The following RBBP8 variants were observed in gnomAD, a reference collection of about 807,000 sequenced individuals.
RBBP8 encodes the protein RB binding protein 8, endonuclease.
Under a neutral mutation model 108.3 loss-of-function variants are expected in RBBP8, and 88 were observed. The observed-to-expected ratio is 0.81, with a 90% confidence interval of 0.68 to 0.97. The LOEUF (loss-of-function observed/expected upper bound fraction) is 0.97, where lower values mean the gene tolerates loss of function less well. RBBP8 is among the 50% of genes least tolerant of loss of function. RBBP8 has a pLI of 0.00. For missense variants in RBBP8, 1,023 were observed against 1,049.0 expected (o/e 0.98, Z 0.34); for synonymous variants, 332 against 348.2 (o/e 0.95, Z 0.52).
chr18:22,990,975 C>G lies in RBBP8; in HGVS notation c.846C>G (p.Leu282=). The G allele has an allele frequency of 1.9e-6, 3 of 1,613,786 alleles. No homozygotes were observed. The highest frequency in any genetic ancestry group is 2.5e-6 in the Non-Finnish European group (3 of 1,179,794). Residue 282 remains leucine, a synonymous_variant, in exon 10 of 19, where the codon CTC becomes CTG. Coordinates refer to ENST00000327155, the MANE Select transcript of RBBP8 (RefSeq NM_002894.3). ...QGPMSPLGDE[L]YHCLEGNHKK... ...CCATGAGCCCCCTTGGTGATGAGCTCTACCACTGTCTGGAAGGAAATCACA... is the reference window on the plus strand; with the variant it reads ...CCATGAGCCCCCTTGGTGATGAGCTGTACCACTGTCTGGAAGGAAATCACA...
At chr18:22,972,499 T>A (rs1161461532) in intron 5 of RBBP8, among the ~76,000 whole-genome samples, 2 of 150,694 alleles carry the variant, frequency 1.3e-5, no homozygotes, top group African/African-American at 4.9e-5. Flanking sequence ...CTGCAACCTC[T>A]GTCTCCTGGG....
chr18:22,992,847 A>G lies in RBBP8; in HGVS notation c.1020A>G (p.Leu340=), dbSNP rs757596616. Residue 340 remains leucine, a synonymous_variant, in exon 11 of 19, where the codon TTA becomes TTG. Coordinates refer to ENST00000327155, the MANE Select transcript of RBBP8 (RefSeq NM_002894.3). ...CTACCTCTAGTATCAAAAGTGGTTTAGATTTGAATACAAGTTTGTCCCCTT... is the reference window on the plus strand; with the variant it reads ...CTACCTCTAGTATCAAAAGTGGTTTGGATTTGAATACAAGTTTGTCCCCTT... The part of the protein sequence containing the change: ...FGATSSIKSG[L]DLNTSLSPSL... The G allele has an allele frequency of 1.2e-6, 2 of 1,613,644 alleles. No individual in the cohort carries two copies. Among genetic ancestry groups the G allele is most frequent in the South Asian group, 1.1e-5 (1 of 91,076 alleles).
At chr18:22,957,288 TTTC>T (rs1256362069) in intron 4 of RBBP8, among the ~76,000 whole-genome samples, 2 of 105,128 alleles carry the variant, frequency 1.9e-5, no homozygotes, top group African/African-American at 3.4e-5. Context: ...GTAATTACTT[TTTC>T]TTTTTTTTTT....
chr18:22,963,646 T>C (rs1241557310), intron 4 of RBBP8, among the ~76,000 whole-genome samples: 2 of 152,214 alleles, frequency 1.3e-5, no homozygotes, highest in Admixed American at 1.3e-4. Flanking sequence ...GCTTTCCTTT[T>C]TCATATATCT....
rs773305908 is a variant in RBBP8 at position 23,016,820 on chromosome 18, TC to T, written c.2358-3del. 1.2e-5 allele frequency: 19 copies of T among 1,587,224 alleles called. No individual in the cohort carries two copies. The African/African-American group carries it at 2.3e-4, about 19-fold the overall frequency. ...AAGCTTTGTTAATTTAATTCATTTT[TC>T]CCCCAGAGAGACTAGCTTGCAAAAT... On this transcript the variant is annotated splice_region_variant and splice_polypyrimidine_tract_variant and intron_variant, in intron 16 of 18. Coordinates refer to ENST00000327155, the MANE Select transcript of RBBP8 (RefSeq NM_002894.3).
chr18:22,978,165 T>G (rs1048069147), intron 6 of RBBP8, among the ~76,000 whole-genome samples: 3 of 152,178 alleles, frequency 2.0e-5, no homozygotes, highest in Admixed American at 2.0e-4. Flanking sequence ...ATTTAAAACT[T>G]TTTTACAGAC....
At chr18:22,941,717 A>G (rs1911098222) in intron 2 of RBBP8, among the ~76,000 whole-genome samples, 2 of 152,074 alleles carry the variant, frequency 1.3e-5, no homozygotes, top group East Asian at 1.9e-4. Flanking sequence ...TTCTAATCAC[A>G]TTCCCACAAA....
chr18:22,961,466 A>G (rs1000607658), intron 4 of RBBP8, among the ~76,000 whole-genome samples: 5 of 152,146 alleles, frequency 3.3e-5, no homozygotes, highest in Non-Finnish European at 7.3e-5. Context: ...GTACTCAGGC[A>G]TTAGATTTTC....
chr18:22,978,863 G>A (rs2336915), intron 6 of RBBP8, among the ~76,000 whole-genome samples: 150,542 of 152,362 alleles, frequency 0.99, 74,403 homozygotes, highest in East Asian at 1. Context: ...AAAGATAAGT[G>A]TGTGAAGTGA....
intron 3 of RBBP8, among the ~76,000 whole-genome samples, chr18:22,917,397 T>C (rs1328412943): frequency 6.6e-6 from 1 of 152,236 alleles, no homozygotes; most frequent in Non-Finnish European, 1.5e-5. Flanking sequence ...TTTAACTCTC[T>C]GAGTTAGCTT....
intron 4 of RBBP8, among the ~76,000 whole-genome samples, chr18:22,955,380 A>G (rs2144518621): frequency 6.6e-6 from 1 of 152,242 alleles, no homozygotes; most frequent in Middle Eastern, 3.4e-3. Flanking sequence ...CCATTTAATT[A>G]AGCTGAAGAT....
chr18:23,002,322 G>A (rs527661942), intron 15 of RBBP8, among the ~76,000 whole-genome samples: 12 of 152,204 alleles, frequency 7.9e-5, no homozygotes, highest in African/African-American at 2.6e-4. Context: ...CGAGAAGATC[G>A]CTTGAACACC....
rs751446360 is a variant in RBBP8 at position 22,997,607 on chromosome 18, A to G, written c.2029-13A>G. On this transcript the variant is annotated splice_polypyrimidine_tract_variant and intron_variant, in intron 13 of 18. Transcript: ENST00000327155. ...AATTGTTAAAATTTTTGATTTTTAAAATATTTATTTAGGATGGCAGTCAGT... is the reference window on the plus strand; with the variant it reads ...AATTGTTAAAATTTTTGATTTTTAAGATATTTATTTAGGATGGCAGTCAGT... The G allele has an allele frequency of 1.3e-6, 2 of 1,516,594 alleles. No homozygotes were observed. The allele number at this position is 1,516,594 out of a possible 1,614,324, so 93.9% of individuals were successfully genotyped here.
At chr18:22,955,025 C>G (rs1912389306) in intron 4 of RBBP8, among the ~76,000 whole-genome samples, 1 of 152,216 alleles carries the variant, frequency 6.6e-6, no homozygotes, top group African/African-American at 2.4e-5. Flanking sequence ...CTGTGCGCAG[C>G]CAGTTGATAC....
At chr18:22,927,792 G>A (rs539046832) in intron 3 of RBBP8, among the ~76,000 whole-genome samples, 2 of 151,920 alleles carry the variant, frequency 1.3e-5, no homozygotes, top group Non-Finnish European at 2.9e-5. Flanking sequence ...TCTGTGCTAA[G>A]ACTCTAGTAA....
chr18:22,965,874 T>A (rs907021005), intron 4 of RBBP8, among the ~76,000 whole-genome samples: 1 of 152,242 alleles, frequency 6.6e-6, no homozygotes, highest in Non-Finnish European at 1.5e-5. Context: ...GTTCTAAATC[T>A]GCACTGTTCA....
At chr18:22,994,566 C>T (rs1257779035) in intron 12 of RBBP8, among the ~76,000 whole-genome samples, 4 of 147,282 alleles carry the variant, frequency 2.7e-5, no homozygotes, top group East Asian at 2.1e-4. Context: ...GGTGTGAACC[C>T]GGGAGGTGGA....
intron 3 of RBBP8, among the ~76,000 whole-genome samples, chr18:22,946,915 A>G (rs1347197521): frequency 2.0e-5 from 3 of 152,144 alleles, no homozygotes; most frequent in African/African-American, 7.2e-5. Flanking sequence ...TGGAAACTAA[A>G]TGGGTATTTT....
chr18:22,924,137 T>TTTTG (rs1567937561), intron 3 of RBBP8, among the ~76,000 whole-genome samples: 2 of 143,356 alleles, frequency 1.4e-5, no homozygotes, highest in Non-Finnish European at 3.1e-5. Flanking sequence ...GTTTTTTTTT[T>TTTTG]TTTTTTTTTT....
Sources: gnomAD v4.1 joint callset for allele counts (sites outside exome capture counted in the v4.1 genomes callset) on GRCh38, gnomAD v4.1.1 for gene constraint, MANE v1.5 for transcripts, NCBI Gene and HGNC (gene_info 2026-07-23, HGNC 2026-07-21) for gene names.